FOXP1: variants seen among roughly 807,000 people sequenced by gnomAD.
The protein encoded by FOXP1 is forkhead box P1, also known as forkhead box protein P1.
FOXP1 carries 15 observed loss-of-function variants against 98.2 expected under a neutral mutation model. The observed-to-expected ratio is 0.15, with a 90% CI of 0.10 to 0.24. The LOEUF is 0.24. FOXP1 is among the 10% of genes least tolerant of loss of function. The probability of loss-of-function intolerance (pLI) is 1.00; values close to 1 mark genes in which losing one functional copy is unlikely to be tolerated. For missense variants in FOXP1, 633 were observed against 848.5 expected (o/e 0.75, Z 3.15); for synonymous variants, 371 against 314.5 (o/e 1.18, Z -1.90).
intron 6 of FOXP1, among the ~76,000 whole-genome samples, chr3:71,134,212 A>G (rs2059709864): frequency 6.6e-6 from 1 of 152,234 alleles, no homozygotes; most frequent in Non-Finnish European, 1.5e-5. Context: ...GGTGGCCGTT[A>G]GAGCAGCCAA....
chr3:71,288,454 C>G (rs1452875187), intron 5 of FOXP1: 1 of 152,126 alleles, frequency 6.6e-6, no homozygotes, highest in Non-Finnish European at 1.5e-5. Context: ...CAAAGACTAC[C>G]TATATTAGTA....
intron 7 of FOXP1, among the ~76,000 whole-genome samples, chr3:71,067,111 A>C (rs1240469143): frequency 6.6e-6 from 1 of 150,640 alleles, no homozygotes; most frequent in Non-Finnish European, 1.5e-5. Context: ...GGTAAGGGGG[A>C]GGTGACAAAA....
At chr3:71,064,123 T>G (rs1032159948) in intron 7 of FOXP1, among the ~76,000 whole-genome samples, 2 of 152,156 alleles carry the variant, frequency 1.3e-5, no homozygotes, top group African/African-American at 4.8e-5. Context: ...AACAGAGGCT[T>G]AGAATCCCCA....
intron 3 of FOXP1, among the ~76,000 whole-genome samples, chr3:71,403,242 G>C (rs1231403680): frequency 6.6e-6 from 1 of 152,168 alleles, no homozygotes; most frequent in Non-Finnish European, 1.5e-5. Context: ...ATGTAGTGAA[G>C]AACACAAACT....
chr3:71,467,039 G>A (rs1185533849), intron 3 of FOXP1, among the ~76,000 whole-genome samples: 4 of 152,206 alleles, frequency 2.6e-5, no homozygotes, highest in Admixed American at 1.3e-4. Context: ...AAATGCTGAA[G>A]GAGGTGACTG....
chr3:71,162,893 G>A (rs1013543935), intron 6 of FOXP1, among the ~76,000 whole-genome samples: 14 of 152,158 alleles, frequency 9.2e-5, no homozygotes, highest in Admixed American at 1.3e-4. Context: ...AAATCTTCCC[G>A]GTAGCATTTA....
At chr3:71,010,472 A>G (rs2043428789) in intron 12 of FOXP1, among the ~76,000 whole-genome samples, 1 of 152,192 alleles carries the variant, frequency 6.6e-6, no homozygotes, top group Non-Finnish European at 1.5e-5. Context: ...TATGTGAAGC[A>G]TTTCGGGACT....
At chr3:71,001,840 T>C (rs2042162376) in intron 12 of FOXP1, among the ~76,000 whole-genome samples, 2 of 152,246 alleles carry the variant, frequency 1.3e-5, no homozygotes, top group Admixed American at 1.3e-4. Context: ...GCCTAAAGTC[T>C]TGAAAATAAA....
intron 3 of FOXP1, among the ~76,000 whole-genome samples, chr3:71,369,018 C>A (rs2079106135): frequency 1.3e-5 from 2 of 152,110 alleles, no homozygotes; most frequent in South Asian, 2.1e-4. Flanking sequence ...TAAGATCTAC[C>A]TCAAATAAAT....
At chr3:71,556,907 G>T (rs1442420304) in intron 2 of FOXP1, among the ~76,000 whole-genome samples, 1 of 151,912 alleles carries the variant, frequency 6.6e-6, no homozygotes. Context: ...AACAGAAAGA[G>T]AAAGATTAAA....
At chr3:71,317,674 T>A (rs898773522) in intron 4 of FOXP1, among the ~76,000 whole-genome samples, 1 of 151,896 alleles carries the variant, frequency 6.6e-6, no homozygotes, top group Non-Finnish European at 1.5e-5. Flanking sequence ...ATTTTTTTTT[T>A]AATTAATCTT....
chr3:71,254,926 G>T (rs972266210), intron 5 of FOXP1, among the ~76,000 whole-genome samples: 3 of 152,198 alleles, frequency 2.0e-5, no homozygotes, highest in African/African-American at 7.2e-5. Flanking sequence ...GGAGCAAGCA[G>T]CATGAGAAGG....
At chr3:71,014,722 G>A (rs1343216766) in intron 12 of FOXP1, among the ~76,000 whole-genome samples, 1 of 152,134 alleles carries the variant, frequency 6.6e-6, no homozygotes, top group African/African-American at 2.4e-5. Flanking sequence ...ATTCACAATA[G>A]TAATACTTGG....
At chr3:71,125,413 G>A (rs2059095547) in intron 6 of FOXP1, among the ~76,000 whole-genome samples, 1 of 152,100 alleles carries the variant, frequency 6.6e-6, no homozygotes, top group South Asian at 2.1e-4. Context: ...TGCTTGACAT[G>A]ACCGATTAAA....
chr3:71,015,705 T>C (rs2044361207), intron 11 of FOXP1, 52 bp from the exon 12 acceptor site: 2 of 1,285,876 alleles, frequency 1.6e-6, no homozygotes, highest in Non-Finnish European at 2.3e-6. Context: ...CCAAGAACCA[T>C]TCCACCAGAC....
chr3:71,487,171 C>T (rs1043904415), intron 3 of FOXP1, among the ~76,000 whole-genome samples: 7 of 151,852 alleles, frequency 4.6e-5, no homozygotes, highest in Admixed American at 3.9e-4. Context: ...AAAAAAAACA[C>T]TACAAAACTA....
Position 70,958,230 on chromosome 3 carries a change from A to G in FOXP1, c.*1017T>C. The G allele has an allele frequency of 2.1e-6, 1 of 480,334 alleles. No homozygotes were observed. Among genetic ancestry groups the G allele is most frequent in the Non-Finnish European group, 3.9e-6 (1 of 254,274 alleles). The allele number at this position is 480,334 out of a possible 1,614,324, so 29.8% of individuals were successfully genotyped here. On this transcript the variant is annotated 3_prime_UTR_variant, in exon 21 of 21. Transcript: ENST00000649528. ...AAAAAGAAAAGAAAAGAAAAAAAGA[A>G]AATCCGAAACACCCCTCCCCCGAAC...
At chr3:71,429,034 G>A (rs1300916119) in intron 3 of FOXP1, among the ~76,000 whole-genome samples, 7 of 152,174 alleles carry the variant, frequency 4.6e-5, no homozygotes, top group African/African-American at 1.7e-4. Context: ...GACATTTTTT[G>A]CTATTTCCGT....
intron 2 of FOXP1, among the ~76,000 whole-genome samples, chr3:71,505,031 A>C (rs1156520325): frequency 2.0e-5 from 3 of 152,214 alleles, no homozygotes; most frequent in Non-Finnish European, 1.5e-5. Context: ...CCAAGACCAC[A>C]GTCAGTGACA....
Sources: allele counts gnomAD v4.1 joint callset (sites outside exome capture counted in the v4.1 genomes callset), GRCh38; gene constraint gnomAD v4.1.1; transcripts MANE v1.5; gene names NCBI Gene and HGNC (gene_info 2026-07-23, HGNC 2026-07-21).